P2RY12: variants seen among roughly 807,000 people sequenced by gnomAD.
P2RY12 encodes P2Y purinoceptor 12.
Under a neutral mutation model 4.5 loss-of-function variants are expected in P2RY12, and 3 were observed. The ratio of observed to expected loss-of-function variants is 0.67; its 90% CI spans 0.31 to 1.74. The LOEUF is 1.74. Among genes scored for constraint, P2RY12 ranks in the 40% most tolerant of loss-of-function variants. The probability of loss-of-function intolerance (pLI) is 0.09; values close to 1 mark genes in which losing one functional copy is unlikely to be tolerated. For synonymous variants in P2RY12, 148 were observed against 154.1 expected, an observed-to-expected ratio of 0.96 and a Z score of 0.29; for missense variants, 356 against 407.8, an observed-to-expected ratio of 0.87 and a Z score of 1.09.
chr3:151,376,435 A>G (rs374489156), intron 1 of P2RY12, among the ~76,000 whole-genome samples: 2 of 152,150 alleles, frequency 1.3e-5, no homozygotes, highest in East Asian at 1.9e-4. Flanking sequence ...TTAAATCAGT[A>G]TTGTATTTAC....
intron 1 of P2RY12, chr3:151,360,618 G>T: frequency 6.2e-7 from 1 of 1,603,986 alleles, no homozygotes; most frequent in South Asian, 1.1e-5. Context: ...GAGTAGAAGA[G>T]ACTCAAAAGG....
At chr3:151,373,142 C>T (rs1756395919) in intron 1 of P2RY12, among the ~76,000 whole-genome samples, 2 of 152,178 alleles carry the variant, frequency 1.3e-5, no homozygotes, top group Middle Eastern at 3.4e-3. Context: ...GCTTTTGGTA[C>T]AGTAATTTTT....
intron 1 of P2RY12, among the ~76,000 whole-genome samples, chr3:151,368,484 A>G (rs905786315): frequency 6.6e-6 from 1 of 151,958 alleles, no homozygotes; most frequent in African/African-American, 2.4e-5. Context: ...CAATAAAAAT[A>G]CCTCTGCTCT....
chr3:151,377,114 C>A, intron 1 of P2RY12: 1 of 1,614,020 alleles, frequency 6.2e-7, no homozygotes, highest in South Asian at 1.1e-5. Context: ...CCTCTTCAAC[C>A]CAAACAGTAT....
chr3:151,338,938 G>A, intron 2 of P2RY12, 79 bp from the exon 3 acceptor site: 2 of 1,251,908 alleles, frequency 1.6e-6, no homozygotes, highest in South Asian at 1.3e-5. Flanking sequence ...TAACTTTTTT[G>A]GACACAGCCT....
At chr3:151,371,095 A>G (rs982740061) in intron 1 of P2RY12, among the ~76,000 whole-genome samples, 2 of 152,172 alleles carry the variant, frequency 1.3e-5, no homozygotes, top group African/African-American at 4.8e-5. Flanking sequence ...TCTAAACTAA[A>G]TGAGGATCTC....
intron 1 of P2RY12, among the ~76,000 whole-genome samples, chr3:151,373,167 C>G (rs1009165737): frequency 6.6e-6 from 1 of 151,944 alleles, no homozygotes; most frequent in Admixed American, 6.6e-5. Context: ...ATCTATAGGC[C>G]ACAGTTCGAT....
At chr3:151,382,285 T>C (rs1057346258) in intron 1 of P2RY12, among the ~76,000 whole-genome samples, 2 of 152,200 alleles carry the variant, frequency 1.3e-5, no homozygotes, top group African/African-American at 4.8e-5. Flanking sequence ...CCTAGAAATA[T>C]AACAGGACTG....
intron 2 of P2RY12, among the ~76,000 whole-genome samples, chr3:151,339,115 A>G (rs1182109828): frequency 6.6e-6 from 1 of 152,076 alleles, no homozygotes; most frequent in Non-Finnish European, 1.5e-5. Context: ...TTATTTGTTG[A>G]ATGTTTGCCT....
intron 1 of P2RY12, chr3:151,383,658 A>G (rs576341305): frequency 6.5e-5 from 41 of 630,434 alleles, no homozygotes; most frequent in African/African-American, 6.1e-4. Flanking sequence ...AAGGTAATCT[A>G]TAAACTAGAG....
intron 1 of P2RY12, among the ~76,000 whole-genome samples, chr3:151,344,558 A>G (rs910619295): frequency 6.6e-6 from 1 of 152,196 alleles, no homozygotes; most frequent in African/African-American, 2.4e-5. Context: ...ACTGGTTTTT[A>G]CTGCTTTTCT....
chr3:151,338,796 C>T lies in P2RY12; in HGVS notation c.50G>A (p.Cys17Tyr). 1 of 1,613,876 alleles carries T rather than the reference C, an allele frequency of 6.2e-7. No individual in the cohort carries two copies. The highest frequency in any genetic ancestry group is 8.5e-7 in the Non-Finnish European group (1 of 1,179,900). The change falls in exon 3 of 3, where the codon TGC (cysteine) becomes TAC (tyrosine). Residue 17 changes from cysteine (C) to tyrosine (Y), a missense_variant. By Grantham distance (194) the Cys-to-Tyr change is radical. Transcript: ENST00000302632. ...LTSAPGNTSL[C>Y]TRDYKITQVL... ...CTGGGTGATTTTGTAGTCTCTGGTG[C>T]ACAGACTGGTGTTACCAGGCGCAGA...
rs1374762309 is a variant in P2RY12, at chr3:151,338,812, C to T, written c.34G>A (p.Gly12Ser). ...QAVDNLTSAP[G>S]NTSLCTRDYK... ...TCTCTGGTGCACAGACTGGTGTTAC[C>T]AGGCGCAGAGGTGAGGTTGTCGACG... Residue 12 changes from glycine (G) to serine (S), a missense_variant, in exon 3 of 3, where the codon GGT becomes AGT. Gly to Ser is a moderately conservative substitution (Grantham distance 56, BLOSUM62 0). Transcript: ENST00000302632. The T allele has an allele frequency of 6.2e-7, 1 of 1,613,710 alleles. No individual in the cohort carries two copies. Among genetic ancestry groups the T allele is most frequent in the Non-Finnish European group, 8.5e-7 (1 of 1,179,870 alleles).
intron 1 of P2RY12, chr3:151,365,871 C>T (rs773344053): frequency 6.2e-6 from 10 of 1,610,012 alleles, no homozygotes; most frequent in Non-Finnish European, 8.5e-6. Context: ...TAGCCAATTT[C>T]TCCTCTGAGC....
intron 1 of P2RY12, chr3:151,377,981 T>G (rs1303924200): frequency 6.4e-7 from 1 of 1,551,098 alleles, no homozygotes; most frequent in Non-Finnish European, 8.7e-7. Flanking sequence ...AAGGATGCTT[T>G]CTCCGGTGTA....
At chr3:151,366,052 A>G in intron 1 of P2RY12, 2 of 1,338,628 alleles carry the variant, frequency 1.5e-6, no homozygotes, top group Non-Finnish European at 9.9e-7. Context: ...TTAGTGGGTA[A>G]TCTTTTTGCT....
intron 1 of P2RY12, chr3:151,382,504 A>T (rs1055668217): frequency 1.2e-5 from 6 of 494,018 alleles, no homozygotes; most frequent in Admixed American, 8.2e-5. Flanking sequence ...TTCTTTCTGC[A>T]TGGAGGAAGA....
Position 151,365,064 on chromosome 3 carries a change from A to G in P2RY12, c.-180+19628T>C, listed in dbSNP as rs753878348. 51 of 1,613,980 alleles carry G rather than the reference A, an allele frequency of 3.2e-5. No homozygotes were observed. The highest frequency in any genetic ancestry group is 4.2e-5 in the Non-Finnish European group (49 of 1,179,974). On this transcript the variant is annotated intron_variant, in intron 1 of 2. Transcript: ENST00000302632. ...CTTGCGATGGGATCCAGACTTCATGATGGATTTTATTGAGAATCCCTCAGC... is the reference window on the plus strand; with the variant it reads ...CTTGCGATGGGATCCAGACTTCATGGTGGATTTTATTGAGAATCCCTCAGC...
chr3:151,367,559 G>A, intron 1 of P2RY12: 1 of 1,214,448 alleles, frequency 8.2e-7, no homozygotes, highest in Non-Finnish European at 1.1e-6. Context: ...GATCTTATTG[G>A]TATTGCCTGC....
Sources: allele counts gnomAD v4.1 joint callset (sites outside exome capture counted in the v4.1 genomes callset), GRCh38; gene constraint gnomAD v4.1.1; transcripts MANE v1.5; gene names NCBI Gene and HGNC (gene_info 2026-07-23, HGNC 2026-07-21).